Variants in CFAP58 observed in about 807,000 individuals in gnomAD.
CFAP58 encodes the protein cilia- and flagella-associated protein 58.
Under a neutral mutation model 119.5 loss-of-function variants are expected in CFAP58, and 88 were observed. The observed-to-expected ratio is 0.74, with a 90% CI of 0.62 to 0.88. CFAP58 has a LOEUF of 0.88. Among genes scored for constraint, CFAP58 ranks in the 40% least tolerant of loss-of-function variants. The pLI is 0.00. For missense variants in CFAP58, 990 were observed against 1,021.2 expected, an observed-to-expected ratio of 0.97 and a Z score of 0.42; for synonymous variants, 365 against 366.3, an observed-to-expected ratio of 1.00 and a Z score of 0.04.
chr10:104,379,529 G>A (rs917190938), intron 8 of CFAP58, among the ~76,000 whole-genome samples: 1 of 152,158 alleles, frequency 6.6e-6, no homozygotes, highest in Non-Finnish European at 1.5e-5. Flanking sequence ...TGAAATTATT[G>A]GGTCATGTGT....
intron 15 of CFAP58, among the ~76,000 whole-genome samples, chr10:104,438,638 G>A (rs1397903562): frequency 4.6e-5 from 7 of 152,104 alleles, no homozygotes; most frequent in Non-Finnish European, 8.8e-5. Flanking sequence ...GCCTCCCAAA[G>A]TGCTGGGATT....
intron 15 of CFAP58, among the ~76,000 whole-genome samples, chr10:104,440,621 A>G (rs2013021801): frequency 6.6e-6 from 1 of 152,240 alleles, no homozygotes. Context: ...AGGTACATCA[A>G]TAACTATCAA....
Position 104,368,489 on chromosome 10 carries a change from G to C in CFAP58, c.859G>C (p.Glu287Gln). 1 of 1,614,040 alleles carries C rather than the reference G, an allele frequency of 6.2e-7. No homozygotes were observed. The highest frequency in any genetic ancestry group is 8.5e-7 in the Non-Finnish European group (1 of 1,179,938). Residue 287 changes from glutamate (E) to glutamine (Q), a missense_variant, in exon 6 of 18, where the codon GAG (glutamate) becomes CAG (glutamine). By Grantham distance (29) the Glu-to-Gln change is conservative (BLOSUM62 2). Transcript: ENST00000369704. Reference sequence around the variant, plus strand: ...GATGAGAAATGCTAAACTTCAGCAAGAGAATGAACAGCACAGTTTGGTCTG... The same window carrying C: ...GATGAGAAATGCTAAACTTCAGCAACAGAATGAACAGCACAGTTTGGTCTG... ...FQMRNAKLQQ[E>Q]NEQHSLVCEQ... is the part of the protein sequence containing the mutation.
intron 12 of CFAP58, 69 bp from the exon 13 acceptor site, chr10:104,400,611 T>C (rs1386740149): frequency 8.7e-6 from 11 of 1,261,782 alleles, no homozygotes; most frequent in Middle Eastern, 2.6e-4. Flanking sequence ...ATTGAATGAA[T>C]GGTGCTGTCA....
At chr10:104,374,442 C>T (rs2014862479) in intron 7 of CFAP58, among the ~76,000 whole-genome samples, 1 of 124,240 alleles carries the variant, frequency 8.0e-6, no homozygotes, top group African/African-American at 3.2e-5. Context: ...CAGAGCGAGA[C>T]CTTGTTTCAG....
chr10:104,362,999 T>G (rs975427588), intron 3 of CFAP58, among the ~76,000 whole-genome samples: 1 of 152,162 alleles, frequency 6.6e-6, no homozygotes, highest in African/African-American at 2.4e-5. Context: ...TTGTCTTCCA[T>G]TCTCCCCATG....
At chr10:104,400,647 C>T in intron 12 of CFAP58, 33 bp from the exon 13 acceptor site, 1 of 1,567,184 alleles carries the variant, frequency 6.4e-7, no homozygotes, top group African/African-American at 1.4e-5. Flanking sequence ...GCTCCTCCTT[C>T]CCTGGTGACT....
chr10:104,439,924 A>G (rs1269562285), intron 15 of CFAP58, among the ~76,000 whole-genome samples: 1 of 152,040 alleles, frequency 6.6e-6, no homozygotes, highest in Non-Finnish European at 1.5e-5. Context: ...GGTTCACGCC[A>G]TTCTCCTGCT....
intron 17 of CFAP58, among the ~76,000 whole-genome samples, chr10:104,452,395 CT>C (rs1219909207): frequency 5.3e-5 from 8 of 152,156 alleles, no homozygotes; most frequent in African/African-American, 1.9e-4. Flanking sequence ...GACTGATGGT[CT>C]AGTTTACACT....
intron 15 of CFAP58, among the ~76,000 whole-genome samples, chr10:104,428,286 G>A (rs1328918712): frequency 6.6e-6 from 1 of 152,142 alleles, no homozygotes; most frequent in Non-Finnish European, 1.5e-5. Flanking sequence ...TGAGAGTCCT[G>A]TTCTGGGAAG....
chr10:104,398,238 C>T (rs1051328698), intron 11 of CFAP58, among the ~76,000 whole-genome samples: 2 of 152,190 alleles, frequency 1.3e-5, no homozygotes, highest in Non-Finnish European at 2.9e-5. Flanking sequence ...CCATCATCTT[C>T]AATGGATGGC....
At chr10:104,440,885 C>T (rs2133090833) in intron 15 of CFAP58, among the ~76,000 whole-genome samples, 1 of 152,266 alleles carries the variant, frequency 6.6e-6, no homozygotes, top group East Asian at 1.9e-4. Flanking sequence ...TTTGAACTTA[C>T]CTACACATGC....
chr10:104,340,324 T>C, the CFAP58 span, among the ~76,000 whole-genome samples: 1 of 152,286 alleles, frequency 6.6e-6, no homozygotes, highest in South Asian at 2.1e-4. Context: ...GCTTTTTCTC[T>C]CCCCTTGGAT....
intron 15 of CFAP58, among the ~76,000 whole-genome samples, chr10:104,407,292 T>A (rs944397793): frequency 6.6e-6 from 1 of 152,220 alleles, no homozygotes; most frequent in African/African-American, 2.4e-5. Flanking sequence ...GCTGTCATCA[T>A]CATCACCATC....
upstream of CFAP58, chr10:104,351,726 G>T (rs918944778): frequency 6.6e-6 from 1 of 151,932 alleles, no homozygotes; most frequent in Non-Finnish European, 1.5e-5. Flanking sequence ...CTAATGGATA[G>T]AAAAAAATGA....
the CFAP58 span, among the ~76,000 whole-genome samples, chr10:104,340,717 A>G: frequency 6.6e-6 from 1 of 152,146 alleles, no homozygotes; most frequent in Admixed American, 6.5e-5. Flanking sequence ...GGTCAAGGGA[A>G]CTCAAAAGCA....
Position 104,399,397 on chromosome 10 carries a change from C to T in CFAP58, c.1712C>T (p.Thr571Ile), listed in dbSNP as rs201670549. 4.7e-5 allele frequency: 76 copies of T among 1,613,522 alleles called. No homozygotes were observed. Among genetic ancestry groups the T allele is most frequent in the Non-Finnish European group, 5.8e-5 (68 of 1,179,742 alleles). The change falls in exon 12 of 18, where the codon ACA becomes ATA. Residue 571 changes from threonine to isoleucine, a missense_variant. Transcript: ENST00000369704. ...AAGCTGAGACAACAAGCCCTGGAGA[C>T]AAAACACTTTATTGAAAAGCAAGAA... ...LQKLRQQALE[T>I]KHFIEKQEAE...
At chr10:104,350,512 G>T (rs1038555472), upstream of CFAP58, among the ~76,000 whole-genome samples, 2 of 152,134 alleles carry the variant, frequency 1.3e-5, no homozygotes, top group African/African-American at 4.8e-5. Context: ...CATCTGTGTT[G>T]ATGCCCCCTG....
At chr10:104,416,693 T>A (rs890506907) in intron 15 of CFAP58, among the ~76,000 whole-genome samples, 1 of 152,232 alleles carries the variant, frequency 6.6e-6, no homozygotes, top group African/African-American at 2.4e-5. Flanking sequence ...AATGCTTGTA[T>A]AGGTATTATC....
Sources: allele counts gnomAD v4.1 joint callset (sites outside exome capture counted in the v4.1 genomes callset), GRCh38; gene constraint gnomAD v4.1.1; transcripts MANE v1.5; gene names NCBI Gene and HGNC (gene_info 2026-07-23, HGNC 2026-07-21).